SCYL3: variants seen among roughly 807,000 people sequenced by gnomAD.
The protein encoded by SCYL3 is protein-associating with the carboxyl-terminal domain of ezrin.
In SCYL3, 35 loss-of-function variants were observed where a neutral mutation model predicts 73.8. That is an observed-to-expected ratio of 0.47 (90% CI 0.36 to 0.63). The LOEUF is 0.63. Among genes scored for constraint, SCYL3 ranks in the 20% least tolerant of loss-of-function variants. SCYL3 has a pLI of 0.00. For synonymous variants in SCYL3, 277 were observed against 295.2 expected, an observed-to-expected ratio of 0.94 and a Z score of 0.63; for missense variants, 712 against 798.9, an observed-to-expected ratio of 0.89 and a Z score of 1.31.
chr1:169,853,972 C>A, intron 12 of SCYL3, 200 bp from the exon 13 acceptor site: 1 of 638,020 alleles, frequency 1.6e-6, no homozygotes, highest in Non-Finnish European at 2.6e-6. Flanking sequence ...AATAGCTTTT[C>A]AAAAACCATA....
At position 169,869,000 on chromosome 1, in the gene SCYL3, T is replaced by C. The variant is rs1558128847; in HGVS notation, c.665A>G (p.His222Arg). The C allele has an allele frequency of 6.2e-7, 1 of 1,614,106 alleles. No homozygotes were observed. ...TGGAATGGGATTCAGCAAAGTTGAG[T>C]GCAAGGTCTGTTGAAAGCTGGAGAG... ...DVLSSFQQTL[H>R]STLLNPIPKC... The change falls in exon 7 of 13, where the codon CAC becomes CGC. Residue 222 changes from histidine (H) to arginine (R), a missense_variant. His to Arg is a conservative substitution (Grantham distance 29, BLOSUM62 0). Transcript: ENST00000367771.
At chr1:169,890,087 G>A (rs1661970702) in intron 1 of SCYL3, among the ~76,000 whole-genome samples, 1 of 152,210 alleles carries the variant, frequency 6.6e-6, no homozygotes, top group African/African-American at 2.4e-5. Flanking sequence ...GGGACCTACT[G>A]TGCGTGCATG....
In SCYL3 at chr1:169,866,880, A is replaced by G; in HGVS notation, c.815+16T>C. 2 of 1,383,324 alleles carry G rather than the reference A, an allele frequency of 1.4e-6. No individual in the cohort carries two copies. Among genetic ancestry groups the G allele is most frequent in the Non-Finnish European group, 2.0e-6 (2 of 980,158 alleles). 85.7% of individuals were successfully genotyped at this position (1,383,324 alleles called of 1,614,324 possible). ...TCCAAGTTATTCAATTTAAATTCTT[A>G]ATTTTCTGAACTTACTTAAAGAATT... On this transcript the variant is annotated intron_variant, in intron 8 of 12. Transcript: ENST00000367771.
chr1:169,874,911 A>G (rs779292609), intron 4 of SCYL3, among the ~76,000 whole-genome samples: 4 of 152,170 alleles, frequency 2.6e-5, no homozygotes, highest in Admixed American at 6.5e-5. Context: ...TGGGTGACAG[A>G]GAGAAATTCC....
intron 1 of SCYL3, among the ~76,000 whole-genome samples, chr1:169,893,542 A>G (rs1029126067): frequency 6.6e-6 from 1 of 152,008 alleles, no homozygotes; most frequent in Non-Finnish European, 1.5e-5. Context: ...CGGGCGCCTC[A>G]CCCGTCGGGG....
chr1:169,853,347 T>TAAAG lies in SCYL3; in HGVS notation c.*362_*365dup, dbSNP rs150803153. On this transcript the variant is annotated 3_prime_UTR_variant, in exon 13 of 13. Coordinates refer to ENST00000367771, the MANE Select transcript of SCYL3 (RefSeq NM_020423.7). ...TTCATAATAGAGCTTACTCTTATGT[T>TAAAG]AAAGAATGGCACAAAATTAAGCTAA... 1.6e-5 allele frequency: 5 copies of TAAAG among 318,196 alleles called. No individual in the cohort carries two copies. The highest frequency in any genetic ancestry group is 6.5e-5 in the African/African-American group (3 of 46,438). 19.7% of individuals were successfully genotyped at this position (318,196 alleles called of 1,614,324 possible).
At chr1:169,879,163 A>C (rs1320494769) in intron 2 of SCYL3, among the ~76,000 whole-genome samples, 2 of 152,234 alleles carry the variant, frequency 1.3e-5, no homozygotes, top group Non-Finnish European at 2.9e-5. Context: ...CAAACAGATT[A>C]TGGAGGGGAG....
At position 169,862,691 on chromosome 1, in the gene SCYL3, C is replaced by T; in HGVS notation, c.1062G>A (p.Arg354=). Residue 354 remains arginine, a synonymous_variant, in exon 10 of 13, where the codon CGG becomes CGA. Transcript: ENST00000367771. ...QLFEVHEEHV[R]MVLLSHIEAY... is the part of the protein sequence containing the mutation. ...CCTCGATGTGAGACAGCAGCACCAT[C>T]CGCACATGCTCTTCATGAACTTCAA... 1.2e-6 allele frequency: 2 copies of T among 1,614,218 alleles called. No individual in the cohort carries two copies. The highest frequency in any genetic ancestry group is 2.2e-5 in the East Asian group (1 of 44,878).
At chr1:169,889,032 TC>T in intron 1 of SCYL3, 142 bp from the exon 2 acceptor site, 1 of 452,908 alleles carries the variant, frequency 2.2e-6, no homozygotes, top group Non-Finnish European at 3.8e-6. Context: ...TGGTAAACGC[TC>T]TGCAAGTTAC....
chr1:169,886,050 T>C lies in SCYL3; in HGVS notation c.165+2626A>G, dbSNP rs139304249. 1.9e-3 allele frequency among the ~76,000 whole-genome samples: 286 copies of C among 152,278 alleles called. 4 individuals carry two copies. The highest frequency in any genetic ancestry group is 0.014 in the Admixed American group (214 of 15,306). ...ACCATGGGCCAGGTACGGTGGCTCA[T>C]GCCTGTAATCCCAGCACTTTGAGAG... On this transcript the variant is annotated intron_variant, in intron 2 of 12. Transcript: ENST00000367771.
intron 5 of SCYL3, among the ~76,000 whole-genome samples, chr1:169,871,182 A>G (rs900997381): frequency 2.4e-4 from 37 of 152,290 alleles, no homozygotes; most frequent in African/African-American, 8.7e-4. Flanking sequence ...GCAACTACTG[A>G]TAATGGTTTC....
intron 2 of SCYL3, among the ~76,000 whole-genome samples, chr1:169,885,093 G>T (rs1241659855): frequency 1.3e-5 from 2 of 152,192 alleles, no homozygotes; most frequent in African/African-American, 4.8e-5. Flanking sequence ...TGTCTTGAAA[G>T]CACTTTCCCC....
rs527388939 is a variant in SCYL3 at position 169,850,314 on chromosome 1, C to T, written c.*3399G>A. 1.2e-6 allele frequency: 2 copies of T among 1,611,618 alleles called. No individual in the cohort carries two copies. The highest frequency in any genetic ancestry group is 8.5e-7 in the Non-Finnish European group (1 of 1,177,922). The stretch of plus-strand genomic sequence containing the variant: ...CCACAGTGTCTCAGTTCTGAAGAAA[C>T]TAAGAACAAAGTTGTATCCTTTCTG... On this transcript the variant is annotated 3_prime_UTR_variant, in exon 13 of 13. Coordinates refer to ENST00000367771, the MANE Select transcript of SCYL3 (RefSeq NM_020423.7).
chr1:169,874,013 T>TGTTCAGAG (rs1660619745), intron 4 of SCYL3, among the ~76,000 whole-genome samples: 1 of 152,256 alleles, frequency 6.6e-6, no homozygotes, highest in South Asian at 2.1e-4. Flanking sequence ...CACGCTCTGC[T>TGTTCAGAG]GTTCAGAGGC....
At chr1:169,868,037 TACAA>T (rs1235041857) in intron 7 of SCYL3, among the ~76,000 whole-genome samples, 2 of 152,144 alleles carry the variant, frequency 1.3e-5, no homozygotes, top group Admixed American at 6.5e-5. Flanking sequence ...CAATTAAAAA[TACAA>T]ATTTTTAAAA....
intron 5 of SCYL3, among the ~76,000 whole-genome samples, chr1:169,873,391 TA>T (rs1255402236): frequency 3.3e-5 from 5 of 152,190 alleles, no homozygotes; most frequent in Admixed American, 2.6e-4. Context: ...CAGTCGCAGG[TA>T]TGTCTTTATC....
intron 7 of SCYL3, among the ~76,000 whole-genome samples, chr1:169,867,468 C>T (rs1022290988): frequency 6.6e-6 from 1 of 152,118 alleles, no homozygotes; most frequent in Admixed American, 6.5e-5. Flanking sequence ...GAGGAGTGGT[C>T]GGTTTCCTAC....
intron 10 of SCYL3, among the ~76,000 whole-genome samples, 161 bp from the exon 11 acceptor site, chr1:169,859,373 G>A (rs941848230): frequency 1.3e-5 from 2 of 152,128 alleles, no homozygotes; most frequent in Non-Finnish European, 2.9e-5. Flanking sequence ...TGTGGTAAAA[G>A]ACCAGTATCT....
intron 10 of SCYL3, among the ~76,000 whole-genome samples, chr1:169,861,396 T>C (rs1304977494): frequency 1.3e-5 from 2 of 152,166 alleles, no homozygotes; most frequent in African/African-American, 4.8e-5. Flanking sequence ...AAATGTCACA[T>C]GGGGGGATAC....
Sources: allele counts gnomAD v4.1 joint callset (sites outside exome capture counted in the v4.1 genomes callset), GRCh38; gene constraint gnomAD v4.1.1; transcripts MANE v1.5; gene names NCBI Gene and HGNC (gene_info 2026-07-23, HGNC 2026-07-21).